S100A13: variants seen among roughly 807,000 people sequenced by gnomAD.
S100A13 encodes the protein S100 calcium binding protein A13.
S100A13 carries 6 observed loss-of-function variants against 8.2 expected under a neutral mutation model. That is an observed-to-expected ratio of 0.73 (90% CI 0.40 to 1.44). The LOEUF (loss-of-function observed/expected upper bound fraction) is 1.44, where lower values mean the gene tolerates loss of function less well. Ranked by LOEUF, S100A13 falls within the 40% of genes most tolerant of loss-of-function variation. The probability of loss-of-function intolerance (pLI) is 0.02; values close to 1 mark genes in which losing one functional copy is unlikely to be tolerated. For missense variants in S100A13, 114 were observed against 113.6 expected, an observed-to-expected ratio of 1.00 and a Z score of -0.02; for synonymous variants, 39 against 45.9, an observed-to-expected ratio of 0.85 and a Z score of 0.61.
intron 2 of S100A13, among the ~76,000 whole-genome samples, 175 bp from the exon 3 acceptor site, chr1:153,619,213 C>A (rs1050141603): frequency 6.6e-6 from 1 of 152,182 alleles, no homozygotes; most frequent in Non-Finnish European, 1.5e-5. Context: ...CACGGGGTGC[C>A]TCTCCAAGGA....
At chr1:153,633,393 T>G (rs1435842649), upstream of S100A13, among the ~76,000 whole-genome samples, 1 of 151,914 alleles carries the variant, frequency 6.6e-6, no homozygotes, top group Non-Finnish European at 1.5e-5. Context: ...GAAATCCCTA[T>G]GTAGGTCTGC....
chr1:153,628,165 C>T, upstream of S100A13: 1 of 1,550,548 alleles, frequency 6.4e-7, no homozygotes, highest in South Asian at 1.2e-5. Context: ...CAAGGCCCAG[C>T]TTGGGGTAAG....
At chr1:153,625,234 A>C (rs1667538505) in intron 2 of S100A13, among the ~76,000 whole-genome samples, 1 of 152,172 alleles carries the variant, frequency 6.6e-6, no homozygotes, top group South Asian at 2.1e-4. Context: ...CCTGTCTCAA[A>C]AAAAAGTCTG....
At chr1:153,632,555 G>C (rs114540699), upstream of S100A13, among the ~76,000 whole-genome samples, 26 of 152,226 alleles carry the variant, frequency 1.7e-4, no homozygotes, top group Non-Finnish European at 3.7e-4. Context: ...ACAGGCATGA[G>C]CCACCGCGCT....
chr1:153,626,200 A>C, intron 2 of S100A13, 120 bp downstream of exon 2: 1 of 861,486 alleles, frequency 1.2e-6, no homozygotes, highest in South Asian at 1.6e-5. Flanking sequence ...AACCATTGAC[A>C]CATGCAGCCA....
chr1:153,629,682 C>T (rs1397210001), upstream of S100A13: 5 of 152,382 alleles, frequency 3.3e-5, no homozygotes, highest in African/African-American at 1.2e-4. Flanking sequence ...CCCACTATCC[C>T]CGAATCAACC....
chr1:153,623,020 G>A (rs114476751), intron 2 of S100A13, among the ~76,000 whole-genome samples: 3,346 of 152,142 alleles, frequency 0.022, 117 homozygotes, highest in African/African-American at 0.068. Context: ...AGCGTAGGAG[G>A]TAGAGGCTGC....
upstream of S100A13, chr1:153,631,146 T>TG (rs1557931652): frequency 6.2e-6 from 2 of 324,838 alleles, no homozygotes; most frequent in African/African-American, 4.2e-5. Flanking sequence ...AAGAAGAATG[T>TG]GGAGCATGTC....
At chr1:153,630,699 G>T (rs917423813), upstream of S100A13, 1 of 1,608,164 alleles carries the variant, frequency 6.2e-7, no homozygotes. Flanking sequence ...TGGAGTGGGT[G>T]AAGGTTGGGG....
intron 1 of S100A13, 137 bp from the exon 2 acceptor site, chr1:153,626,670 G>A (rs1181438214): frequency 3.7e-6 from 2 of 541,742 alleles, no homozygotes; most frequent in South Asian, 2.7e-5. Flanking sequence ...GGAGAGGACA[G>A]GGGTTGAGCT....
At chr1:153,622,457 T>C (rs1223977733) in intron 2 of S100A13, among the ~76,000 whole-genome samples, 1 of 152,232 alleles carries the variant, frequency 6.6e-6, no homozygotes, top group Non-Finnish European at 1.5e-5. Flanking sequence ...TCCACCAGTA[T>C]GTAGGTATAC....
chr1:153,631,254 T>G (rs78075258), upstream of S100A13: 2,182 of 579,328 alleles, frequency 3.8e-3, 27 homozygotes, highest in African/African-American at 0.031. Flanking sequence ...CGGTAGAAAG[T>G]GCACCGGTTT....
At chr1:153,628,002 T>G (rs1667773288), upstream of S100A13, 6 of 1,545,052 alleles carry the variant, frequency 3.9e-6, no homozygotes, top group South Asian at 7.2e-5. Flanking sequence ...AGTCCTGGAT[T>G]GAAATCCCTC....
intron 2 of S100A13, among the ~76,000 whole-genome samples, chr1:153,621,689 A>AAAAG (rs746812067): frequency 2.0e-5 from 3 of 149,548 alleles, no homozygotes; most frequent in Non-Finnish European, 3.0e-5. Context: ...CTCAAAAAAA[A>AAAAG]AAAGAAAGAA....
chr1:153,626,203 T>C (rs934685529), intron 2 of S100A13, 117 bp downstream of exon 2: 10 of 899,170 alleles, frequency 1.1e-5, no homozygotes, highest in East Asian at 2.4e-5. Context: ...CATTGACACA[T>C]GCAGCCACCC....
chr1:153,626,555 G>A (rs988382578), intron 1 of S100A13, 22 bp from the exon 2 acceptor site: 1 of 1,431,228 alleles, frequency 7.0e-7, no homozygotes, highest in Non-Finnish European at 9.7e-7. Flanking sequence ...AGAAGGAGCA[G>A]AGAGGGAGAG....
At chr1:153,633,328 CA>C (rs1444831757), upstream of S100A13, among the ~76,000 whole-genome samples, 1 of 152,088 alleles carries the variant, frequency 6.6e-6, no homozygotes, top group Admixed American at 6.6e-5. Flanking sequence ...CCAGCCTGGA[CA>C]ACAGAGCCAG....
intron 2 of S100A13, among the ~76,000 whole-genome samples, chr1:153,622,669 C>A (rs1667345484): frequency 1.3e-5 from 2 of 152,146 alleles, no homozygotes; most frequent in African/African-American, 4.8e-5. Flanking sequence ...AAAAATTAGG[C>A]CTCAGTTTCC....
upstream of S100A13, chr1:153,630,414 C>A: frequency 1.4e-6 from 2 of 1,443,890 alleles, no homozygotes; most frequent in South Asian, 1.4e-5. Context: ...GCTATTTGAG[C>A]TGTCAGCCAG....
Sources: gnomAD v4.1 joint callset for allele counts (sites outside exome capture counted in the v4.1 genomes callset) on GRCh38, gnomAD v4.1.1 for gene constraint, MANE v1.5 for transcripts, NCBI Gene and HGNC (gene_info 2026-07-23, HGNC 2026-07-21) for gene names.